Variants in PDE1B observed in about 807,000 individuals in gnomAD.
PDE1B encodes phosphodiesterase 1B.
PDE1B carries 13 observed loss-of-function variants against 66.7 expected under a neutral mutation model. The ratio of observed to expected loss-of-function variants is 0.19; its 90% CI spans 0.13 to 0.31. PDE1B has a LOEUF of 0.31. Among genes scored for constraint, PDE1B ranks in the 10% least tolerant of loss-of-function variants. The probability of loss-of-function intolerance (pLI) is 1.00; values close to 1 mark genes in which losing one functional copy is unlikely to be tolerated. For synonymous variants in PDE1B, 230 were observed against 253.9 expected, an observed-to-expected ratio of 0.91 and a Z score of 0.90; for missense variants, 485 against 682.3, an observed-to-expected ratio of 0.71 and a Z score of 3.22.
At chr12:54,568,467 TAC>T (rs56360853) in intron 3 of PDE1B, among the ~76,000 whole-genome samples, 4,626 of 143,380 alleles carry the variant, frequency 0.032, 74 homozygotes, top group African/African-American at 0.038. Flanking sequence ...TGTCTAAAAA[TAC>T]ACACACACAC....
In PDE1B at chr12:54,569,441, G is replaced by T. The variant is rs1957577481; in HGVS notation, c.410+75G>T. On this transcript the variant is annotated intron_variant, in intron 4 of 15. Transcript: ENST00000243052. The surrounding 1 kb of genome is among the most constrained non-coding windows in gnomAD (Gnocchi z 4.4). ...TTTCCCAGCCACCCTGGTCTTCCAT[G>T]ACCACCAGCCATATGATCCCATGGC... The T allele has an allele frequency of 4.4e-6, 7 of 1,590,642 alleles. No homozygotes were observed. In the South Asian group the frequency reaches 7.9e-5, roughly 18 times the overall value.
chr12:54,570,591 G>A, intron 6 of PDE1B: 2 of 514,412 alleles, frequency 3.9e-6, no homozygotes, highest in Non-Finnish European at 7.0e-6. Flanking sequence ...CATCTAGCCT[G>A]GGATTCTGCT....
At chr12:54,576,393 AG>A (rs558831070) in intron 13 of PDE1B, 177 bp from the exon 14 acceptor site, 121 of 660,184 alleles carry the variant, frequency 1.8e-4, no homozygotes, top group African/African-American at 4.2e-4. Context: ...GTGGAGAGGG[AG>A]GGGTGAAATG....
Position 54,569,552 on chromosome 12 carries a change from C to T in PDE1B, c.417C>T (p.Phe139=). 6.2e-7 allele frequency: 1 copy of T among 1,612,916 alleles called. No individual in the cohort carries two copies. The highest frequency in any genetic ancestry group is 8.5e-7 in the Non-Finnish European group (1 of 1,178,920). The change falls in exon 5 of 16, where the codon TTC becomes TTT. Residue 139 remains phenylalanine, a synonymous_variant. Coordinates refer to ENST00000243052, the MANE Select transcript of PDE1B (RefSeq NM_000924.4). The surrounding 1 kb of genome is among the most constrained non-coding windows in gnomAD (Gnocchi z 4.4). ...VQAGIFVERM[F]RRTYTSVGPT... ...TCTCATTGTTCTCTCTCAGGATGTT[C>T]CGGAGAACATACACCTCTGTGGGCC... is the stretch of plus-strand genomic sequence containing the variant.
intron 14 of PDE1B, 200 bp from the exon 15 acceptor site, chr12:54,577,025 G>A (rs185207543): frequency 1.5e-4 from 92 of 615,514 alleles, no homozygotes; most frequent in African/African-American, 1.5e-3. Flanking sequence ...TCCTGTGTGA[G>A]GGGGTGGTAG....
At chr12:54,551,998 A>G (rs1327459165) in intron 2 of PDE1B, among the ~76,000 whole-genome samples, 1 of 152,212 alleles carries the variant, frequency 6.6e-6, no homozygotes, top group Non-Finnish European at 1.5e-5. Context: ...AGCTACATGT[A>G]ATATAACTTA....
At chr12:54,558,339 C>A (rs1439570568) in intron 2 of PDE1B, among the ~76,000 whole-genome samples, 2 of 152,090 alleles carry the variant, frequency 1.3e-5, no homozygotes, top group Non-Finnish European at 2.9e-5. Flanking sequence ...CATTCCCTTT[C>A]CTCATCCCAC....
intron 2 of PDE1B, 122 bp downstream of exon 2, chr12:54,550,107 G>A: frequency 2.1e-6 from 3 of 1,462,386 alleles, no homozygotes; most frequent in Non-Finnish European, 9.1e-7. Context: ...ATGTTGGCAG[G>A]TGCGAGGAAG....
intron 6 of PDE1B, chr12:54,571,520 G>A (rs1174784324): frequency 2.6e-5 from 4 of 152,238 alleles, no homozygotes; most frequent in Non-Finnish European, 5.9e-5. Context: ...GACCTCAAGA[G>A]TAGCTGTTTT....
rs1362619521 is a variant in PDE1B at position 54,576,107 on chromosome 12, G to A, written c.1376+7G>A. On this transcript the variant is annotated splice_region_variant and intron_variant, in intron 13 of 15. Coordinates refer to ENST00000243052, the MANE Select transcript of PDE1B (RefSeq NM_000924.4). ...AGTCTAAAAACCAGCCCAGGTGAGG[G>A]TGGCTGGGGTAGCCAGATATCTTGG... The A allele has an allele frequency of 1.1e-5, 17 of 1,549,706 alleles. No individual in the cohort carries two copies. Among genetic ancestry groups the A allele is most frequent in the Non-Finnish European group, 1.1e-5 (12 of 1,121,338 alleles).
chr12:54,557,194 T>C (rs1957352364), intron 2 of PDE1B, among the ~76,000 whole-genome samples: 1 of 152,196 alleles, frequency 6.6e-6, no homozygotes, highest in Non-Finnish European at 1.5e-5. Flanking sequence ...ATAAATCAAA[T>C]TGCACTAGAC....
Position 54,569,920 on chromosome 12 carries a change from G to A in PDE1B, c.477+308G>A, listed in dbSNP as rs1423448373. On this transcript the variant is annotated intron_variant, in intron 5 of 15. Coordinates refer to ENST00000243052, the MANE Select transcript of PDE1B (RefSeq NM_000924.4). This position sits in a 1 kb window ranked among gnomAD's most constrained non-coding sequence, Gnocchi z 4.4. ...TCACCATGTTGGCCAGGCTGGTCTCGAACTCTTGACCTCAAGTGTTCTGCC... is the reference window on the plus strand; with the variant it reads ...TCACCATGTTGGCCAGGCTGGTCTCAAACTCTTGACCTCAAGTGTTCTGCC... 6.6e-6 allele frequency among the ~76,000 whole-genome samples: 1 copy of A among 152,044 alleles called. No individual in the cohort carries two copies. The highest frequency in any genetic ancestry group is 2.1e-4 in the South Asian group (1 of 4,820).
intron 2 of PDE1B, among the ~76,000 whole-genome samples, chr12:54,559,017 T>C (rs1957373534): frequency 1.3e-5 from 2 of 152,204 alleles, no homozygotes; most frequent in Non-Finnish European, 1.5e-5. Context: ...AGGTCACACA[T>C]AGTAATAAAA....
chr12:54,562,525 C>A (rs1173798986), intron 2 of PDE1B, among the ~76,000 whole-genome samples: 1 of 152,118 alleles, frequency 6.6e-6, no homozygotes, highest in Non-Finnish European at 1.5e-5. Flanking sequence ...GGGAAAGGTA[C>A]CTTTACTGTG....
At chr12:54,574,176 T>C in intron 10 of PDE1B, 1 of 185,334 alleles carries the variant, frequency 5.4e-6, no homozygotes, top group Non-Finnish European at 1.1e-5. Flanking sequence ...ATAGAACAAA[T>C]GCCATAATTA....
rs538627664 is a variant in PDE1B at position 54,565,698 on chromosome 12, G to A, written c.114-1276G>A. On this transcript the variant is annotated intron_variant, in intron 2 of 15. Coordinates refer to ENST00000243052, the MANE Select transcript of PDE1B (RefSeq NM_000924.4). ...CCTTCTGTCCCATTTGCTCTCAGAC[G>A]TGTCATCCAGGATTGCTAGGCCCTG... Among the ~76,000 whole-genome samples, 8 of 152,310 alleles carry A rather than the reference G, an allele frequency of 5.3e-5. No homozygotes were observed. In the South Asian group the frequency reaches 1.0e-3, roughly 20 times the overall value.
chr12:54,575,804 G>C lies in PDE1B; in HGVS notation c.1267+172G>C. The C allele has an allele frequency of 1.4e-6, 1 of 715,392 alleles. No individual in the cohort carries two copies. Among genetic ancestry groups the C allele is most frequent in the Non-Finnish European group, 2.5e-6 (1 of 406,136 alleles). The allele number at this position is 715,392 out of a possible 1,614,324, so 44.3% of individuals were successfully genotyped here. The stretch of plus-strand genomic sequence containing the variant: ...GGAGGCCAGGGGGCTGCAATGGCAG[G>C]AAGGAGCTCTCTGGGGCACCAAGAC... On this transcript the variant is annotated intron_variant, in intron 12 of 15. Transcript: ENST00000243052. The surrounding 1 kb of genome is among the most constrained non-coding windows in gnomAD (Gnocchi z 4.0).
At chr12:54,551,590 G>C (rs1228637444) in intron 2 of PDE1B, among the ~76,000 whole-genome samples, 1 of 152,144 alleles carries the variant, frequency 6.6e-6, no homozygotes, top group East Asian at 1.9e-4. Flanking sequence ...ATTCAGGATG[G>C]CTCCCCTAAC....
At position 54,573,530 on chromosome 12, in the gene PDE1B, A is replaced by T. The variant is rs371220709; in HGVS notation, c.962+50A>T. 2.1e-5 allele frequency: 34 copies of T among 1,612,964 alleles called. No individual in the cohort carries two copies. The highest frequency in any genetic ancestry group is 2.6e-5 in the Non-Finnish European group (31 of 1,179,178). ...TCCCTAAGAGACTCCCTTACCACAAACTCCATTTTCCACTTCCTGGACCTC... is the reference window on the plus strand; with the variant it reads ...TCCCTAAGAGACTCCCTTACCACAATCTCCATTTTCCACTTCCTGGACCTC... On this transcript the variant is annotated intron_variant, in intron 9 of 15. Coordinates refer to ENST00000243052, the MANE Select transcript of PDE1B (RefSeq NM_000924.4). This position sits in a 1 kb window ranked among gnomAD's most constrained non-coding sequence, Gnocchi z 5.2.
Sources: allele counts gnomAD v4.1 joint callset (sites outside exome capture counted in the v4.1 genomes callset), GRCh38; gene constraint gnomAD v4.1.1; non-coding constraint Gnocchi (gnomAD v3.1); transcripts MANE v1.5; gene names NCBI Gene and HGNC (gene_info 2026-07-23, HGNC 2026-07-21).